The following TMEM42 variants were observed in gnomAD, a reference collection of about 807,000 sequenced individuals.
The protein encoded by TMEM42 is transmembrane protein 42.
TMEM42 carries 8 observed loss-of-function variants against 14.0 expected under a neutral mutation model. That is an observed-to-expected ratio of 0.57 (90% CI 0.34 to 1.03). TMEM42 has a LOEUF of 1.03. TMEM42 is among the 50% of genes least tolerant of loss of function. The pLI, the probability that TMEM42 is intolerant of heterozygous loss-of-function variation, is 0.03. For synonymous variants in TMEM42, 115 were observed against 94.3 expected (o/e 1.22, Z -1.27); for missense variants, 211 against 219.8 (o/e 0.96, Z 0.25).
rs752801816 is a variant in TMEM42 at position 44,864,282 on chromosome 3, G to A, written c.278G>A (p.Ser93Asn). The A allele has an allele frequency of 1.9e-6, 3 of 1,614,224 alleles. No homozygotes were observed. The highest frequency in any genetic ancestry group is 3.3e-5 in the Admixed American group (2 of 60,034). The change falls in exon 2 of 3, where the codon AGT (serine) becomes AAT (asparagine). Residue 93 changes from serine (S) to asparagine (N), a missense_variant. By Grantham distance (46) the Ser-to-Asn change is conservative (BLOSUM62 1). Coordinates refer to ENST00000302392, the MANE Select transcript of TMEM42 (RefSeq NM_144638.3). Reference protein sequence around the residue: ...LMWTFFSRGLSFSMSSAIASV... With the variant: ...LMWTFFSRGLNFSMSSAIASV... ...TGGACCTTCTTTAGCCGGGGCCTCA[G>A]TTTCTCCATGTCTTCAGCCATTGCA... is the stretch of plus-strand genomic sequence containing the variant.
Position 44,865,104 on chromosome 3 carries a change from T to A in TMEM42, c.404T>A (p.Leu135His). Residue 135 changes from leucine (L) to histidine (H), a missense_variant, in exon 3 of 3, where the codon CTT becomes CAT. By Grantham distance (99) the Leu-to-His change is moderately conservative. Transcript: ENST00000302392. ...QEVLWWGGVF[L>H]ILCGLTLIHR... Reference sequence around the variant, plus strand: ...GTCTTGTGGTGGGGAGGAGTGTTCCTTATTCTCTGCGGACTCACCCTAATC... The same window carrying A: ...GTCTTGTGGTGGGGAGGAGTGTTCCATATTCTCTGCGGACTCACCCTAATC... 6.2e-7 allele frequency: 1 copy of A among 1,614,126 alleles called. No individual in the cohort carries two copies. The highest frequency in any genetic ancestry group is 1.6e-4 in the Middle Eastern group (1 of 6,062).
rs773325134 is a variant in TMEM42 at position 44,865,132 on chromosome 3, C to T, written c.432C>T (p.His144=). 1.8e-5 allele frequency: 29 copies of T among 1,614,044 alleles called. No individual in the cohort carries two copies. The highest frequency in any genetic ancestry group is 2.4e-5 in the Non-Finnish European group (28 of 1,180,028). Residue 144 remains histidine, a synonymous_variant, in exon 3 of 3, where the codon CAC becomes CAT. Transcript: ENST00000302392. ...FLILCGLTLI[H]RKLPPTWKPL... Reference sequence around the variant, plus strand: ...TTCTCTGCGGACTCACCCTAATCCACAGGAAGCTCCCACCCACCTGGAAGC... The same window carrying T: ...TTCTCTGCGGACTCACCCTAATCCATAGGAAGCTCCCACCCACCTGGAAGC...
At chr3:44,864,165 G>T in intron 1 of TMEM42, 32 bp from the exon 2 acceptor site, 2 of 1,612,374 alleles carry the variant, frequency 1.2e-6, no homozygotes, top group Non-Finnish European at 1.7e-6. Context: ...TGCCCAGGGT[G>T]GACGTGGCTG....
chr3:44,863,827 T>C, intron 1 of TMEM42: 1 of 227,828 alleles, frequency 4.4e-6, no homozygotes, highest in Non-Finnish European at 8.8e-6. Flanking sequence ...GCTTACTACC[T>C]ACGGAGTAAG....
intron 1 of TMEM42, chr3:44,863,068 A>C (rs138276128): frequency 6.0e-4 from 91 of 152,208 alleles, no homozygotes; most frequent in Middle Eastern, 3.4e-3. Flanking sequence ...GCAAATTTGC[A>C]AATTTAAAAC....
intron 1 of TMEM42, chr3:44,862,397 C>G (rs1177725559): frequency 6.5e-6 from 1 of 154,128 alleles, no homozygotes; most frequent in African/African-American, 2.4e-5. Flanking sequence ...CTTCCCTTAC[C>G]AGGGACCTAA....
intron 2 of TMEM42, among the ~76,000 whole-genome samples, 195 bp from the exon 3 acceptor site, chr3:44,864,845 G>A (rs1038837610): frequency 6.6e-6 from 1 of 152,160 alleles, no homozygotes; most frequent in Non-Finnish European, 1.5e-5. Flanking sequence ...AGTGCAGTGA[G>A]GGAGGTAGCC....
At chr3:44,863,052 C>A (rs1423743857) in intron 1 of TMEM42, 2 of 151,976 alleles carry the variant, frequency 1.3e-5, no homozygotes, top group South Asian at 2.1e-4. Flanking sequence ...CAACTCGCGG[C>A]CCAACGCAAA....
intron 1 of TMEM42, 185 bp from the exon 2 acceptor site, chr3:44,864,012 A>T (rs1012516288): frequency 1.7e-6 from 1 of 595,136 alleles, no homozygotes; most frequent in Non-Finnish European, 2.9e-6. Flanking sequence ...TATTTGTAAG[A>T]TGGGTCTGCT....
intron 1 of TMEM42, chr3:44,863,911 G>C (rs985750458): frequency 4.6e-6 from 2 of 433,060 alleles, no homozygotes; most frequent in Admixed American, 3.5e-5. Context: ...GTGTTCAGTA[G>C]AAAATACTGG....
At chr3:44,864,062 C>T (rs1699293181) in intron 1 of TMEM42, 135 bp from the exon 2 acceptor site, 4 of 1,017,526 alleles carry the variant, frequency 3.9e-6, no homozygotes, top group Admixed American at 2.1e-5. Flanking sequence ...CAGGAAAGCT[C>T]TGAGGCCCTC....
chr3:44,865,251 T>C lies in TMEM42; in HGVS notation c.*71T>C. On this transcript the variant is annotated 3_prime_UTR_variant, in exon 3 of 3. Transcript: ENST00000302392. ...CCAGCCTTGGGATGTCATGTGGGAC[T>C]GTATCCTAGGGCGATCCAGTTGTGC... 2 of 1,600,982 alleles carry C rather than the reference T, an allele frequency of 1.2e-6. No homozygotes were observed. Among genetic ancestry groups the C allele is most frequent in the Non-Finnish European group, 1.7e-6 (2 of 1,169,840 alleles).
In TMEM42 at chr3:44,865,283, C is replaced by T. The variant is rs1473276476; in HGVS notation, c.*103C>T. 1.3e-6 allele frequency: 2 copies of T among 1,502,126 alleles called. No homozygotes were observed. Among genetic ancestry groups the T allele is most frequent in the East Asian group, 2.3e-5 (1 of 42,920 alleles). The allele number at this position is 1,502,126 out of a possible 1,614,324, so 93.0% of individuals were successfully genotyped here. The stretch of plus-strand genomic sequence containing the variant: ...TAGGGCGATCCAGTTGTGCAGCCTT[C>T]TGACCATCAGCCAAGGGAAGCAGGC... On this transcript the variant is annotated 3_prime_UTR_variant, in exon 3 of 3. Coordinates refer to ENST00000302392, the MANE Select transcript of TMEM42 (RefSeq NM_144638.3).
chr3:44,864,033 G>T, intron 1 of TMEM42, 164 bp from the exon 2 acceptor site: 1 of 709,778 alleles, frequency 1.4e-6, no homozygotes. Context: ...GCCCACTGAG[G>T]GTTAAGTGAA....
chr3:44,862,084 G>T lies in TMEM42; in HGVS notation c.160G>T (p.Ala54Ser). 1 of 1,166,518 alleles carries T rather than the reference G, an allele frequency of 8.6e-7. No individual in the cohort carries two copies. 72.3% of individuals were successfully genotyped at this position (1,166,518 alleles called of 1,614,324 possible). ...CGCCGGCGCGTTCGGGGCCCTGGCCGCCGCCTCCGCCAAGCTGGCCTTCGG... is the reference window on the plus strand; with the variant it reads ...CGCCGGCGCGTTCGGGGCCCTGGCCTCCGCCTCCGCCAAGCTGGCCTTCGG... ...LCAGAFGALA[A>S]ASAKLAFGSE... The change falls in exon 1 of 3, where the codon GCC becomes TCC. Residue 54 changes from alanine to serine, a missense_variant. Physicochemically the swap from Ala to Ser is moderately conservative, Grantham distance 99. Transcript: ENST00000302392.
At position 44,865,320 on chromosome 3, in the gene TMEM42, C is replaced by A; in HGVS notation, c.*140C>A. On this transcript the variant is annotated 3_prime_UTR_variant, in exon 3 of 3. Transcript: ENST00000302392. The stretch of plus-strand genomic sequence containing the variant: ...CAAGGGAAGCAGGCCTCTGATGGAG[C>A]AGGCTCTGGCTCTGTAAGGAGAGGT... The A allele has an allele frequency of 8.9e-7, 1 of 1,126,878 alleles. No homozygotes were observed. The highest frequency in any genetic ancestry group is 1.3e-6 in the Non-Finnish European group (1 of 782,970). 69.8% of individuals were successfully genotyped at this position (1,126,878 alleles called of 1,614,324 possible).
At chr3:44,863,309 C>CA (rs981572637) in intron 1 of TMEM42, 4 of 115,032 alleles carry the variant, frequency 3.5e-5, no homozygotes, top group Non-Finnish European at 6.1e-5. Context: ...CACCCCCCCC[C>CA]CCCGCCGCCT....
At chr3:44,863,863 C>T (rs770189673) in intron 1 of TMEM42, 40 of 302,760 alleles carry the variant, frequency 1.3e-4, no homozygotes, top group Non-Finnish European at 2.4e-4. Flanking sequence ...TGGGACTGAT[C>T]TTCAAGCACT....
At chr3:44,863,166 C>T (rs553466222) in intron 1 of TMEM42, 1 of 152,112 alleles carries the variant, frequency 6.6e-6, no homozygotes, top group African/African-American at 2.4e-5. Flanking sequence ...CAAGACAGTT[C>T]TTCCAGTGTG....
Sources: gnomAD v4.1 joint callset for allele counts (sites outside exome capture counted in the v4.1 genomes callset) on GRCh38, gnomAD v4.1.1 for gene constraint, MANE v1.5 for transcripts, NCBI Gene and HGNC (gene_info 2026-07-23, HGNC 2026-07-21) for gene names.